Variants in SHROOM4 observed in about 807,000 individuals in gnomAD.
The protein encoded by SHROOM4 is shroom family member 4.
A neutral mutation model predicts 80.3 loss-of-function variants in SHROOM4; 17 were observed. That is an observed-to-expected ratio of 0.21 (90% CI 0.14 to 0.32). The LOEUF (loss-of-function observed/expected upper bound fraction) is 0.32. SHROOM4 is among the 10% of genes least tolerant of loss of function. The pLI is 1.00. For synonymous variants in SHROOM4, 400 were observed against 437.5 expected (o/e 0.91, Z 1.07); for missense variants, 993 against 1,140.3 (o/e 0.87, Z 1.86).
chrX:50,744,754 G>C (rs1452586891), intron 1 of SHROOM4, among the ~76,000 whole-genome samples: 1 of 111,387 alleles, frequency 9.0e-6, no homozygotes, highest in African/African-American at 3.3e-5. Flanking sequence ...CCATAACCTG[G>C]GCTTTGTTTT....
chrX:50,771,819 G>A (rs1177452711), intron 1 of SHROOM4, among the ~76,000 whole-genome samples: 1 of 112,132 alleles, frequency 8.9e-6, no homozygotes, highest in African/African-American at 3.2e-5. Flanking sequence ...TTAGCAAAAT[G>A]TTAGGAGCAA....
chrX:50,714,980 A>G (rs1933912409), intron 1 of SHROOM4, among the ~76,000 whole-genome samples: 1 of 111,773 alleles, frequency 8.9e-6, no homozygotes, highest in African/African-American at 3.3e-5. Flanking sequence ...AGTTAACCAC[A>G]ACAGATGGAG....
At chrX:50,763,797 A>C (rs145427212) in intron 1 of SHROOM4, among the ~76,000 whole-genome samples, 1 of 111,311 alleles carries the variant, frequency 9.0e-6, no homozygotes, top group Non-Finnish European at 1.9e-5. Context: ...CTCCATGTTC[A>C]AGCAGTGACT....
At chrX:50,706,871 T>A (rs1933691940) in intron 1 of SHROOM4, among the ~76,000 whole-genome samples, 1 of 111,754 alleles carries the variant, frequency 8.9e-6, no homozygotes, top group African/African-American at 3.3e-5. Flanking sequence ...CTGAGGTGTA[T>A]GGCAATAATA....
rs782673177 is a variant in SHROOM4, at chrX:50,634,505, G to T, written c.1568C>A (p.Ala523Asp). ...NRTSRAASEL[A>D]NQQPSASGSL... ...GCCAGAGGCAGAGGGTTGCTGGTTG[G>T]CCAATTCACTGGCTGCTCTGCTTGT... is the stretch of plus-strand genomic sequence containing the variant. Residue 523 changes from alanine to aspartate, a missense_variant, in exon 4 of 9, where the codon GCC becomes GAC. Transcript: ENST00000376020. 2.7e-5 allele frequency: 33 copies of T among 1,209,784 alleles called. No homozygotes were observed. The African/African-American group carries it at 3.9e-4, about 14-fold the overall frequency.
At chrX:50,806,497 G>C (rs1936230367) in intron 1 of SHROOM4, among the ~76,000 whole-genome samples, 1 of 112,097 alleles carries the variant, frequency 8.9e-6, no homozygotes, top group Admixed American at 9.4e-5. Flanking sequence ...AGAGGTATAA[G>C]GAGACAAACC....
chrX:50,614,409 A>G (rs145683439), intron 5 of SHROOM4, among the ~76,000 whole-genome samples: 1,485 of 112,280 alleles, frequency 0.013, 35 homozygotes, highest in African/African-American at 0.045. Context: ...TAATATGTGA[A>G]GTATGCTTAC....
intron 4 of SHROOM4, among the ~76,000 whole-genome samples, chrX:50,631,613 A>G (rs1024257267): frequency 9.8e-5 from 11 of 112,253 alleles, no homozygotes; most frequent in African/African-American, 3.6e-4. Context: ...TATGTAGAAA[A>G]TGTTTTATAA....
chrX:50,621,587 G>A (rs1557252024), intron 5 of SHROOM4, among the ~76,000 whole-genome samples: 1 of 111,775 alleles, frequency 8.9e-6, no homozygotes, highest in Non-Finnish European at 1.9e-5. Flanking sequence ...TATACACTAT[G>A]CATTTATTCA....
intron 1 of SHROOM4, among the ~76,000 whole-genome samples, chrX:50,803,484 A>G (rs1557272816): frequency 8.9e-6 from 1 of 112,193 alleles, no homozygotes; most frequent in African/African-American, 3.2e-5. Flanking sequence ...TCTTTAGGAC[A>G]TGCAGTGCTT....
chrX:50,612,613 T>A lies in SHROOM4; in HGVS notation c.2958-4429A>T, dbSNP rs782087993. 4.5e-5 allele frequency among the ~76,000 whole-genome samples: 5 copies of A among 111,718 alleles called. No individual in the cohort carries two copies. In the South Asian group the frequency reaches 1.1e-3, roughly 25 times the overall value. ...GACCCATCTCATCTGAGAATACAGA[T>A]GCAAAAATCTTAAATAAAATATTAG... On this transcript the variant is annotated intron_variant, in intron 5 of 8. Transcript: ENST00000376020.
In SHROOM4 at chrX:50,788,111, TAGAC is replaced by T. The variant is rs1409948145; in HGVS notation, c.117+25787_117+25790del. On this transcript the variant is annotated intron_variant, in intron 1 of 8. Transcript: ENST00000376020. ...TATAAAATTTAAAAGGCAAAAGTGT[TAGAC>T]TGTAAATATAAAATATGTTAATGTT... is the stretch of plus-strand genomic sequence containing the variant. 6.3e-5 allele frequency among the ~76,000 whole-genome samples: 7 copies of T among 111,920 alleles called. 1 individual carries two copies. In the Admixed American group the frequency reaches 6.6e-4, roughly 11 times the overall value.
chrX:50,692,936 C>T (rs1211257194), intron 2 of SHROOM4, among the ~76,000 whole-genome samples: 2 of 111,933 alleles, frequency 1.8e-5, no homozygotes, highest in Non-Finnish European at 3.8e-5. Flanking sequence ...TGGCTGAGTA[C>T]ATACATAGTG....
intron 1 of SHROOM4, among the ~76,000 whole-genome samples, chrX:50,753,809 A>T (rs1557268204): frequency 9.0e-6 from 1 of 111,608 alleles, no homozygotes; most frequent in African/African-American, 3.3e-5. Flanking sequence ...ACGTATTGTT[A>T]TATTGTTTTA....
intron 1 of SHROOM4, 50 bp downstream of exon 1, chrX:50,813,852 T>C (rs1426695081): frequency 1.0e-6 from 1 of 992,553 alleles, no homozygotes; most frequent in East Asian, 3.1e-5. Context: ...TCGCACCCGC[T>C]TGTCCATTCA....
At chrX:50,715,640 A>C (rs2147502511) in intron 1 of SHROOM4, among the ~76,000 whole-genome samples, 1 of 111,331 alleles carries the variant, frequency 9.0e-6, no homozygotes, top group South Asian at 3.8e-4. Flanking sequence ...TCACAACGAG[A>C]TATCACTTCA....
At chrX:50,610,926 G>T (rs1557249707) in intron 5 of SHROOM4, among the ~76,000 whole-genome samples, 1 of 111,026 alleles carries the variant, frequency 9.0e-6, no homozygotes, top group African/African-American at 3.3e-5. Flanking sequence ...ATATGAGACT[G>T]TTTCAGCTGA....
Position 50,607,445 on chromosome X carries a change from G to A in SHROOM4, c.3697C>T (p.Pro1233Ser), listed in dbSNP as rs782484956. 2.5e-6 allele frequency: 3 copies of A among 1,211,638 alleles called. No individual in the cohort carries two copies. The highest frequency in any genetic ancestry group is 2.2e-6 in the Non-Finnish European group (2 of 895,469). The change falls in exon 6 of 9, where the codon CCT (proline) becomes TCT (serine). Residue 1233 changes from proline (P) to serine (S), a missense_variant. Transcript: ENST00000376020. Reference protein sequence around the residue: ...LGSQPEQAQPPCYYGIGGLWR... With the variant: ...LGSQPEQAQPSCYYGIGGLWR... Reference sequence around the variant, plus strand: ...AGCCCACCAATGCCATAGTAGCAAGGGGGCTGAGCCTGCTCAGGTTGAGAT... The same window carrying A: ...AGCCCACCAATGCCATAGTAGCAAGAGGGCTGAGCCTGCTCAGGTTGAGAT...
chrX:50,756,147 C>A (rs1296116459), intron 1 of SHROOM4, among the ~76,000 whole-genome samples: 1 of 111,540 alleles, frequency 9.0e-6, no homozygotes, highest in African/African-American at 3.3e-5. Context: ...TATATTCAGT[C>A]CCCATTCCTA....
Sources: allele counts gnomAD v4.1 joint callset (sites outside exome capture counted in the v4.1 genomes callset), GRCh38; gene constraint gnomAD v4.1.1; transcripts MANE v1.5; gene names NCBI Gene and HGNC (gene_info 2026-07-23, HGNC 2026-07-21).